ZNF621: variants seen among roughly 807,000 people sequenced by gnomAD.
ZNF621 encodes the protein zinc finger protein 621.
A neutral mutation model predicts 12.7 loss-of-function variants in ZNF621; 6 were observed. The observed-to-expected ratio is 0.47, with a 90% CI of 0.26 to 0.93. The LOEUF (loss-of-function observed/expected upper bound fraction) is 0.93, where lower values mean the gene tolerates loss of function less well. ZNF621 is among the 40% of genes least tolerant of loss of function. The probability of loss-of-function intolerance (pLI) is 0.15; values close to 1 mark genes in which losing one functional copy is unlikely to be tolerated. For synonymous variants in ZNF621, 156 were observed against 190.3 expected (o/e 0.82, Z 1.48); for missense variants, 474 against 524.0 (o/e 0.90, Z 0.93).
At chr3:40,526,502 C>T (rs1698586888) in intron 2 of ZNF621, among the ~76,000 whole-genome samples, 1 of 152,116 alleles carries the variant, frequency 6.6e-6, no homozygotes, top group South Asian at 2.1e-4. Context: ...GGAGAGATTG[C>T]CCACAAATTG....
intron 2 of ZNF621, among the ~76,000 whole-genome samples, chr3:40,526,535 C>A (rs1698587669): frequency 6.6e-6 from 1 of 152,124 alleles, no homozygotes; most frequent in Admixed American, 6.5e-5. Context: ...CCCAGAGAGA[C>A]TAGTATTGTT....
chr3:40,525,681 T>G, intron 1 of ZNF621, 98 bp from the exon 2 acceptor site: 1 of 870,608 alleles, frequency 1.1e-6, no homozygotes, highest in Admixed American at 2.0e-5. Context: ...AGAATCTCCG[T>G]GCATCCAGTG....
upstream of ZNF621, among the ~76,000 whole-genome samples, chr3:40,523,170 GA>G (rs1464430677): frequency 1.1e-4 from 16 of 151,748 alleles, no homozygotes; most frequent in Admixed American, 9.8e-4. Flanking sequence ...GAAACTTTAA[GA>G]GATAATAAGT....
chr3:40,527,472 C>G (rs934430048), intron 2 of ZNF621, among the ~76,000 whole-genome samples: 5 of 152,174 alleles, frequency 3.3e-5, no homozygotes, highest in Non-Finnish European at 7.3e-5. Flanking sequence ...GCTGGGATTA[C>G]AGGTGCACAC....
chr3:40,523,813 C>T (rs1698515572), upstream of ZNF621, among the ~76,000 whole-genome samples: 1 of 94,396 alleles, frequency 1.1e-5, no homozygotes, highest in African/African-American at 4.8e-5. Flanking sequence ...AAAACAAAGT[C>T]TGTCCATCTT....
At chr3:40,524,753 G>A (rs1698533882), upstream of ZNF621, 1 of 152,286 alleles carries the variant, frequency 6.6e-6, no homozygotes, top group South Asian at 2.1e-4. Flanking sequence ...ACTCCAGCCA[G>A]AGGCGATGCC....
At position 40,534,674 on chromosome 3, in the gene ZNF621, T is replaced by G. The variant is rs888019853; in HGVS notation, c.*1584T>G. On this transcript the variant is annotated 3_prime_UTR_variant, in exon 5 of 5. Transcript: ENST00000339296. ...GCCAGATCTTTAGCATGGACCATAC[T>G]TTGAGAGATATGCTTCAAACAGAAA... is the stretch of plus-strand genomic sequence containing the variant. The G allele has an allele frequency of 1.3e-5, 2 of 152,170 alleles. No homozygotes were observed. Among genetic ancestry groups the G allele is most frequent in the African/African-American group, 4.8e-5 (2 of 41,438 alleles). 9.4% of individuals were successfully genotyped at this position (152,170 alleles called of 1,614,324 possible).
At chr3:40,530,419 A>G (rs1698697228) in intron 4 of ZNF621, 103 bp downstream of exon 4, 2 of 919,660 alleles carry the variant, frequency 2.2e-6, no homozygotes, top group East Asian at 5.0e-5. Flanking sequence ...CCAGTTATTT[A>G]TAAGTCGATA....
intron 4 of ZNF621, 70 bp downstream of exon 4, chr3:40,530,386 T>TTACC: frequency 8.0e-7 from 1 of 1,256,282 alleles, no homozygotes; most frequent in Non-Finnish European, 1.2e-6. Flanking sequence ...GAAGTGTTTC[T>TTACC]TATGCTGCAG....
intron 2 of ZNF621, 67 bp from the exon 3 acceptor site, chr3:40,529,252 A>G: frequency 6.4e-7 from 1 of 1,572,262 alleles, no homozygotes; most frequent in Non-Finnish European, 8.7e-7. Flanking sequence ...CCTTCCCTGA[A>G]GCTCAAGCTG....
chr3:40,525,884 GT>G lies in ZNF621; in HGVS notation c.24+27del. On this transcript the variant is annotated intron_variant, in intron 2 of 4. Transcript: ENST00000339296. ...CCTCAGGTGAGCTGAGCTTCTTTCA[GT>G]TTTTTTGTTTGTTTGTTTATGTTTT... 3 of 1,611,578 alleles carry G rather than the reference GT, an allele frequency of 1.9e-6. No homozygotes were observed. Among genetic ancestry groups the G allele is most frequent in the Non-Finnish European group, 2.5e-6 (3 of 1,179,512 alleles).
At position 40,538,225 on chromosome 3, in the gene ZNF621, G is replaced by T. The variant is rs746442784; in HGVS notation, c.*5135G>T. The T allele has an allele frequency of 9.6e-6, 4 of 417,972 alleles. No individual in the cohort carries two copies. The highest frequency in any genetic ancestry group is 1.9e-5 in the Non-Finnish European group (4 of 211,594). The allele number at this position is 417,972 out of a possible 1,614,324, so 25.9% of individuals were successfully genotyped here. A position where few individuals can be genotyped will look rare whatever the true frequency, so the allele number is the denominator to read the frequency against. On this transcript the variant is annotated 3_prime_UTR_variant, in exon 5 of 5. Transcript: ENST00000339296. ...AGACCTACTAAATATTAGGAAAAAA[G>T]AATTCTGTCAGGTGTGGTGGCTCAC...
intron 2 of ZNF621, among the ~76,000 whole-genome samples, chr3:40,527,088 G>T (rs985789314): frequency 6.6e-6 from 1 of 152,134 alleles, no homozygotes; most frequent in Non-Finnish European, 1.5e-5. Context: ...TGCGATCTTC[G>T]CTCACTGCAA....
At position 40,537,141 on chromosome 3, in the gene ZNF621, C is replaced by T. The variant is rs1020826298; in HGVS notation, c.*4051C>T. The T allele has an allele frequency of 2.0e-5, 3 of 152,190 alleles. No individual in the cohort carries two copies. The allele number at this position is 152,190 out of a possible 1,614,324, so 9.4% of individuals were successfully genotyped here. On this transcript the variant is annotated 3_prime_UTR_variant, in exon 5 of 5. Transcript: ENST00000339296. ...GTTTAAGTGAAAAAGTCACATGCCT[C>T]TCACTTTAAATCAAAAGCTAGAAAT... is the stretch of plus-strand genomic sequence containing the variant.
upstream of ZNF621, among the ~76,000 whole-genome samples, chr3:40,523,727 T>C (rs1451873836): frequency 2.0e-5 from 3 of 151,308 alleles, no homozygotes; most frequent in African/African-American, 4.9e-5. Context: ...GATTGCGCCA[T>C]TGCACTCCAG....
chr3:40,528,859 C>G (rs1231308285), intron 2 of ZNF621, among the ~76,000 whole-genome samples: 1 of 152,152 alleles, frequency 6.6e-6, no homozygotes, highest in Non-Finnish European at 1.5e-5. Flanking sequence ...ATAAAGAGTT[C>G]TTTGTACATT....
intron 2 of ZNF621, 148 bp downstream of exon 2, chr3:40,526,012 A>G: frequency 2.3e-6 from 2 of 859,744 alleles, no homozygotes; most frequent in East Asian, 2.6e-5. Flanking sequence ...GCTATGGCAG[A>G]TGTAAATATG....
intron 2 of ZNF621, among the ~76,000 whole-genome samples, chr3:40,528,495 C>G (rs1455268323): frequency 3.3e-5 from 5 of 152,114 alleles, no homozygotes; most frequent in Non-Finnish European, 4.4e-5. Flanking sequence ...TTTTCAACTC[C>G]TAAATTTAGT....
In ZNF621 at chr3:40,539,531, TAAA is replaced by T. The variant is rs1198003304; in HGVS notation, c.*6444_*6446del. On this transcript the variant is annotated 3_prime_UTR_variant, in exon 5 of 5. Coordinates refer to ENST00000339296, the MANE Select transcript of ZNF621 (RefSeq NM_198484.5). Reference sequence around the variant, plus strand: ...CATAACTTTTATAGGTACTGGAAAATAAAAATAATTGTGTGACTCCCTTTATTG... The same window carrying T: ...CATAACTTTTATAGGTACTGGAAAATAATAATTGTGTGACTCCCTTTATTG... The T allele has an allele frequency of 6.6e-6, 1 of 152,170 alleles. No individual in the cohort carries two copies. The highest frequency in any genetic ancestry group is 1.5e-5 in the Non-Finnish European group (1 of 68,016). The allele number at this position is 152,170 out of a possible 1,614,324, so 9.4% of individuals were successfully genotyped here. A position where few individuals can be genotyped will look rare whatever the true frequency, so the allele number is the denominator to read the frequency against.
Sources: allele counts gnomAD v4.1 joint callset (sites outside exome capture counted in the v4.1 genomes callset), GRCh38; gene constraint gnomAD v4.1.1; transcripts MANE v1.5; gene names NCBI Gene and HGNC (gene_info 2026-07-23, HGNC 2026-07-21).